Variants in RYR2 observed in about 807,000 individuals in gnomAD.
RYR2 encodes the protein cardiac muscle ryanodine receptor-calcium release channel.
In RYR2, 227 loss-of-function variants were observed where a neutral mutation model predicts 601.1. The observed-to-expected ratio is 0.38, with a 90% CI of 0.34 to 0.42. The LOEUF is 0.42. Among genes scored for constraint, RYR2 ranks in the 10% least tolerant of loss-of-function variants. The pLI is 1.00. For missense variants in RYR2, 4,646 were observed against 6,156.5 expected (o/e 0.75, Z 8.21); for synonymous variants, 2,223 against 2,175.1 (o/e 1.02, Z -0.61).
At position 237,369,569 on chromosome 1, in the gene RYR2, C is replaced by T. The variant is rs397516525; in HGVS notation, c.345C>T (p.Tyr115=). ...AQGGGHRTLL[Y]GHAILLRHSY... ...GTGGTGGTCATCGAACACTCCTCTA[C>T]GGACATGCCATATTGCTGCGCCATT... The change falls in exon 6 of 105, where the codon TAC becomes TAT. Residue 115 remains tyrosine, a synonymous_variant. Transcript: ENST00000366574. 83 of 1,565,188 alleles carry T rather than the reference C, an allele frequency of 5.3e-5. No homozygotes were observed. In the South Asian group the frequency reaches 6.6e-4, roughly 12 times the overall value.
At chr1:237,278,826 C>T (rs1690562792) in intron 2 of RYR2, among the ~76,000 whole-genome samples, 5 of 152,154 alleles carry the variant, frequency 3.3e-5, no homozygotes. Flanking sequence ...TAGCCACTGT[C>T]AGGACTTATT....
chr1:237,620,627 A>G (rs1462236929), intron 38 of RYR2, among the ~76,000 whole-genome samples: 1 of 152,136 alleles, frequency 6.6e-6, no homozygotes, highest in African/African-American at 2.4e-5. Context: ...TTATTAAAAT[A>G]TTAATCAAAA....
At chr1:237,718,942 G>C (rs1689482484) in intron 73 of RYR2, among the ~76,000 whole-genome samples, 1 of 151,986 alleles carries the variant, frequency 6.6e-6, no homozygotes, top group South Asian at 2.1e-4. Flanking sequence ...GGAGTTTTAG[G>C]GTCTTTTGGA....
chr1:237,275,294 TAAG>T (rs1690156121), intron 2 of RYR2, among the ~76,000 whole-genome samples: 1 of 151,926 alleles, frequency 6.6e-6, no homozygotes, highest in South Asian at 2.1e-4. Flanking sequence ...CCTATTAAAA[TAAG>T]AACTTAAAAT....
intron 34 of RYR2, 137 bp downstream of exon 34, chr1:237,595,794 G>GGCTGCTC: frequency 9.6e-7 from 1 of 1,043,424 alleles, no homozygotes; most frequent in Middle Eastern, 3.2e-4. Flanking sequence ...CAGCCGAGCA[G>GGCTGCTC]ACCTGCCCCT....
chr1:237,090,071 G>A (rs1666791948), intron 1 of RYR2, among the ~76,000 whole-genome samples: 1 of 152,196 alleles, frequency 6.6e-6, no homozygotes. Context: ...GGCAGGAAGA[G>A]TCTCTTTCAA....
rs1016376354 is a variant in RYR2, at chr1:237,180,964, A to G, written c.49-89533A>G. ...CCCTCTCTGAGCAGATTTATCCAAT[A>G]TGCTAAGCACTTTTATTATTTATTT... On this transcript the variant is annotated intron_variant, in intron 1 of 104. Coordinates refer to ENST00000366574, the MANE Select transcript of RYR2 (RefSeq NM_001035.3). The surrounding 1 kb of genome is among the most constrained non-coding windows in gnomAD (Gnocchi z 5.3). Among the ~76,000 whole-genome samples, 2 of 151,494 alleles carry G rather than the reference A, an allele frequency of 1.3e-5. No individual in the cohort carries two copies. Among genetic ancestry groups the G allele is most frequent in the African/African-American group, 2.4e-5 (1 of 41,272 alleles).
intron 100 of RYR2, among the ~76,000 whole-genome samples, chr1:237,815,922 C>A (rs1661769863): frequency 6.6e-6 from 1 of 152,168 alleles, no homozygotes; most frequent in Non-Finnish European, 1.5e-5. Context: ...CAAATTTTAA[C>A]CCAAGACCCA....
chr1:237,749,514 CA>C, intron 80 of RYR2, among the ~76,000 whole-genome samples: 1 of 152,186 alleles, frequency 6.6e-6, no homozygotes, highest in Middle Eastern at 3.4e-3. Flanking sequence ...TAAACTTTTA[CA>C]GTGTGGTGAA....
intron 58 of RYR2, among the ~76,000 whole-genome samples, chr1:237,671,821 G>A (rs1684973079): frequency 6.6e-6 from 1 of 152,036 alleles, no homozygotes; most frequent in Admixed American, 6.6e-5. Context: ...CAAAAAGTAT[G>A]ATTAGTGCCC....
rs190182450 is a variant in RYR2 at position 237,465,431 on chromosome 1, A to G, written c.1613-3661A>G. Among the ~76,000 whole-genome samples, 662 of 152,266 alleles carry G rather than the reference A, an allele frequency of 4.3e-3. 2 individuals carry two copies. The highest frequency in any genetic ancestry group is 0.014 in the African/African-American group (582 of 41,562). On this transcript the variant is annotated intron_variant, in intron 16 of 104. Transcript: ENST00000366574. ...TTTTGTGATGTGTGCTTTGATATCA[A>G]TGTCACTGATACTGCTTTTGTAAAA... is the stretch of plus-strand genomic sequence containing the variant.
intron 1 of RYR2, among the ~76,000 whole-genome samples, chr1:237,268,225 A>T (rs1407755600): frequency 1.3e-5 from 2 of 152,232 alleles, no homozygotes; most frequent in Non-Finnish European, 2.9e-5. Context: ...GAGTGTAGTT[A>T]CTTACCCAAG....
At chr1:237,820,625 A>T (rs1284211906) in intron 101 of RYR2, among the ~76,000 whole-genome samples, 1 of 152,202 alleles carries the variant, frequency 6.6e-6, no homozygotes, top group Non-Finnish European at 1.5e-5. Flanking sequence ...AGCTAGCTGC[A>T]CAAGTTTTTT....
At chr1:237,092,582 T>G (rs1214407205) in intron 1 of RYR2, among the ~76,000 whole-genome samples, 1 of 149,200 alleles carries the variant, frequency 6.7e-6, no homozygotes, top group East Asian at 2.0e-4. Flanking sequence ...CAGGCTGGAG[T>G]GCCGTGGTGT....
rs1391863207 is a variant in RYR2 at position 237,593,589 on chromosome 1, C to T, written c.4389C>T (p.Arg1463=). The T allele has an allele frequency of 9.3e-6, 15 of 1,613,594 alleles. No homozygotes were observed. Among genetic ancestry groups the T allele is most frequent in the Non-Finnish European group, 1.2e-5 (14 of 1,179,830 alleles). ...YDTGFDLDRV[R]TVTVTLGDEK... ...CAGGCTTTGACTTGGACAGAGTTCG[C>T]ACAGTAACAGTTACTCTAGGAGATG... The change falls in exon 33 of 105, where the codon CGC becomes CGT. Residue 1463 remains arginine, a synonymous_variant. Coordinates refer to ENST00000366574, the MANE Select transcript of RYR2 (RefSeq NM_001035.3).
rs1573617993 is a variant in RYR2, at chr1:237,709,575, TGAAAATA to T, written c.10230+9_10230+15del. ...TACTGGTCGAAGTCCCATGTGAGTGTGAAAATATTGATAGATCACGCCTACTGTTTGT... is the reference window on the plus strand; with the variant it reads ...TACTGGTCGAAGTCCCATGTGAGTGTTTGATAGATCACGCCTACTGTTTGT... On this transcript the variant is annotated intron_variant, in intron 70 of 104. Coordinates refer to ENST00000366574, the MANE Select transcript of RYR2 (RefSeq NM_001035.3). 6.4e-7 allele frequency: 1 copy of T among 1,569,160 alleles called. No individual in the cohort carries two copies. The highest frequency in any genetic ancestry group is 8.7e-7 in the Non-Finnish European group (1 of 1,144,554).
At chr1:237,549,310 C>A (rs1670138683) in intron 26 of RYR2, among the ~76,000 whole-genome samples, 1 of 152,164 alleles carries the variant, frequency 6.6e-6, no homozygotes, top group Admixed American at 6.5e-5. Flanking sequence ...CGGGGTGGCT[C>A]ACACTTGTAA....
At chr1:237,353,299 A>G (rs959549761) in intron 3 of RYR2, among the ~76,000 whole-genome samples, 1 of 152,096 alleles carries the variant, frequency 6.6e-6, no homozygotes, top group African/African-American at 2.4e-5. Context: ...ACTTGAGGTC[A>G]GGAGTTCGAG....
Position 237,496,535 on chromosome 1 carries a change from CG to C in RYR2, c.1987del (p.Val663SerfsTer15). On this transcript the variant is annotated frameshift_variant, in exon 20 of 105. Transcript: ENST00000366574. LOFTEE classifies it high-confidence loss of function. ...GCATGAGACCCAATATTTTTCTGGG[CG>C]TCAGTGAAGGTTCTGCTCAGTATAA... ...SSMRPNIFLGVSEGSAQYKKW... is the reference protein window; with the variant it reads ...SSMRPNIFLGXSEGSAQYKKW... 1 of 1,613,872 alleles carries C rather than the reference CG, an allele frequency of 6.2e-7. No homozygotes were observed. The highest frequency in any genetic ancestry group is 8.5e-7 in the Non-Finnish European group (1 of 1,179,820).
Sources: gnomAD v4.1 joint callset for allele counts (sites outside exome capture counted in the v4.1 genomes callset) on GRCh38, gnomAD v4.1.1 for gene constraint, Gnocchi (gnomAD v3.1) non-coding constraint, MANE v1.5 for transcripts, NCBI Gene and HGNC (gene_info 2026-07-23, HGNC 2026-07-21) for gene names.